Variants in SLC7A6 observed in about 807,000 individuals in gnomAD.
The protein encoded by SLC7A6 is solute carrier family 7 member 6.
In SLC7A6, 29 loss-of-function variants were observed where a neutral mutation model predicts 46.6. That is an observed-to-expected ratio of 0.62 (90% confidence interval 0.46 to 0.85). SLC7A6 has a LOEUF of 0.85. SLC7A6 is among the 40% of genes least tolerant of loss of function. The pLI is 0.00. For missense variants in SLC7A6, 527 were observed against 647.6 expected (o/e 0.81, Z 2.02); for synonymous variants, 276 against 257.3 (o/e 1.07, Z -0.70).
chr16:68,284,859 C>CATTTTTT (rs1555531478), intron 3 of SLC7A6, among the ~76,000 whole-genome samples: 2 of 95,606 alleles, frequency 2.1e-5, no homozygotes, highest in African/African-American at 4.6e-5. Context: ...ATTTTCTCGT[C>CATTTTTT]TTTTTTTTTT....
intron 3 of SLC7A6, among the ~76,000 whole-genome samples, chr16:68,281,671 C>T (rs925462129): frequency 6.6e-6 from 1 of 152,092 alleles, no homozygotes; most frequent in Non-Finnish European, 1.5e-5. Context: ...CTCCTCTTTG[C>T]CTAGGTGACC....
chr16:68,279,053 CTGGGCATGGTAGCTCA>C (rs1187825507), intron 3 of SLC7A6, among the ~76,000 whole-genome samples: 1 of 152,028 alleles, frequency 6.6e-6, no homozygotes, highest in African/African-American at 2.4e-5. Context: ...TTAATATTGG[CTGGGCATGGTAGCTCA>C]TGGCTTTTGT....
At chr16:68,286,198 T>C (rs2042929117) in intron 3 of SLC7A6, among the ~76,000 whole-genome samples, 1 of 151,350 alleles carries the variant, frequency 6.6e-6, no homozygotes, top group Non-Finnish European at 1.5e-5. Context: ...CCCAATCACC[T>C]GAGGGAGAGA....
intron 3 of SLC7A6, among the ~76,000 whole-genome samples, chr16:68,280,331 C>T (rs2042807119): frequency 6.6e-6 from 1 of 152,116 alleles, no homozygotes; most frequent in South Asian, 2.1e-4. Flanking sequence ...CACTTCCATC[C>T]TAGAAGGGAG....
intron 2 of SLC7A6, among the ~76,000 whole-genome samples, chr16:68,274,328 C>G (rs1247061562): frequency 6.6e-6 from 1 of 152,188 alleles, no homozygotes; most frequent in Non-Finnish European, 1.5e-5. Context: ...CTCTGGTCTT[C>G]TCTGCAGGGC....
At position 68,296,689 on chromosome 16, in the gene SLC7A6, C is replaced by T. The variant is rs371532031; in HGVS notation, c.1332C>T (p.Leu444=). ...ICSVFLVIVP[L]FTDTINSLIG... is the part of the protein sequence containing the mutation. The stretch of plus-strand genomic sequence containing the variant: ...CCGTGTTTCTGGTGATAGTGCCCCT[C>T]TTCACTGACACCATTAATTCCCTCA... The change falls in exon 10 of 11, where the codon CTC becomes CTT. Residue 444 remains leucine, a synonymous_variant. Transcript: ENST00000219343. The T allele has an allele frequency of 1.9e-6, 3 of 1,614,110 alleles. No individual in the cohort carries two copies. The African/African-American group carries it at 4.0e-5, about 22-fold the overall frequency.
intron 3 of SLC7A6, 165 bp from the exon 4 acceptor site, chr16:68,287,581 C>T (rs1484744952): frequency 1.4e-5 from 20 of 1,477,060 alleles, no homozygotes; most frequent in Middle Eastern, 1.9e-4. Context: ...TCAGCTGGGG[C>T]GGGTGCAGGG....
At chr16:68,295,029 T>C in intron 8 of SLC7A6, 1 of 398,700 alleles carries the variant, frequency 2.5e-6, no homozygotes, top group Non-Finnish European at 4.5e-6. Context: ...GGGATTCACT[T>C]AATTTTTTCT....
chr16:68,276,068 A>G (rs3785111), intron 3 of SLC7A6, among the ~76,000 whole-genome samples: 1 of 152,012 alleles, frequency 6.6e-6, no homozygotes, highest in South Asian at 2.1e-4. Context: ...GGCCCACAGG[A>G]CCCTTTCCTG....
At position 68,289,657 on chromosome 16, in the gene SLC7A6, T is replaced by A. The variant is rs377736927; in HGVS notation, c.650-739T>A. Among the ~76,000 whole-genome samples the A allele has an allele frequency of 4.0e-3, 610 of 152,204 alleles. 7 individuals are homozygous for A. The highest frequency in any genetic ancestry group is 0.014 in the African/African-American group (564 of 41,512). On this transcript the variant is annotated intron_variant, in intron 4 of 10. Coordinates refer to ENST00000219343, the MANE Select transcript of SLC7A6 (RefSeq NM_003983.6). ...TAAAGACCCCAGTATGTCCAGAGGG[T>A]CTCTGATCTGGGTAGCTGGGTGCTG...
chr16:68,286,446 A>G (rs2042936256), intron 3 of SLC7A6, among the ~76,000 whole-genome samples: 1 of 152,150 alleles, frequency 6.6e-6, no homozygotes. Context: ...CGGTACGAGT[A>G]AGAGAGAGAG....
intron 2 of SLC7A6, among the ~76,000 whole-genome samples, chr16:68,271,018 T>G (rs1263931113): frequency 6.6e-6 from 1 of 152,022 alleles, no homozygotes; most frequent in Non-Finnish European, 1.5e-5. Flanking sequence ...CCTGGCTAAT[T>G]TTTGTATTTT....
intron 3 of SLC7A6, chr16:68,287,490 G>C: frequency 1.4e-6 from 2 of 1,382,046 alleles, no homozygotes; most frequent in Non-Finnish European, 1.9e-6. Flanking sequence ...AATGGTGCTA[G>C]CCATCAGGAT....
At chr16:68,280,047 A>T (rs1445194805) in intron 3 of SLC7A6, among the ~76,000 whole-genome samples, 4 of 152,220 alleles carry the variant, frequency 2.6e-5, no homozygotes, top group Non-Finnish European at 5.9e-5. Flanking sequence ...CCTTCTTGGA[A>T]CTTAGGTTGC....
rs1316572152 is a variant in SLC7A6 at position 68,296,385 on chromosome 16, C to T, written c.1141C>T (p.Leu381Phe). 10 of 1,613,918 alleles carry T rather than the reference C, an allele frequency of 6.2e-6. No homozygotes were observed. The highest frequency in any genetic ancestry group is 8.5e-6 in the Non-Finnish European group (10 of 1,180,044). Residue 381 changes from leucine (L) to phenylalanine (F), a missense_variant, in exon 9 of 11, where the codon CTC (leucine) becomes TTC (phenylalanine). Transcript: ENST00000219343. ...LFNCTMALIY[L>F]IVEDVFQLIN... Reference sequence around the variant, plus strand: ...ACAGTGCACCATGGCACTCATCTACCTCATCGTGGAGGATGTTTTCCAGCT... The same window carrying T: ...ACAGTGCACCATGGCACTCATCTACTTCATCGTGGAGGATGTTTTCCAGCT...
chr16:68,278,262 C>T (rs1345985981), intron 3 of SLC7A6, among the ~76,000 whole-genome samples: 1 of 151,886 alleles, frequency 6.6e-6, no homozygotes, highest in Admixed American at 6.6e-5. Context: ...GCCATAAATA[C>T]CTTTTGAGGT....
In SLC7A6 at chr16:68,296,384, C is replaced by T. The variant is rs930337135; in HGVS notation, c.1140C>T (p.Tyr380=). 1.2e-6 allele frequency: 2 copies of T among 1,614,044 alleles called. No homozygotes were observed. The highest frequency in any genetic ancestry group is 1.7e-6 in the Non-Finnish European group (2 of 1,180,030). ...LLFNCTMALI[Y]LIVEDVFQLI... ...CACAGTGCACCATGGCACTCATCTA[C>T]CTCATCGTGGAGGATGTTTTCCAGC... is the stretch of plus-strand genomic sequence containing the variant. Residue 380 remains tyrosine, a synonymous_variant, in exon 9 of 11, where the codon TAC becomes TAT. Coordinates refer to ENST00000219343, the MANE Select transcript of SLC7A6 (RefSeq NM_003983.6).
At chr16:68,273,623 G>C (rs1050253071) in intron 2 of SLC7A6, among the ~76,000 whole-genome samples, 3 of 152,170 alleles carry the variant, frequency 2.0e-5, no homozygotes, top group African/African-American at 7.2e-5. Flanking sequence ...TTAGCCCTGG[G>C]TTGGGATGCC....
Position 68,286,404 on chromosome 16 carries a change from G to A in SLC7A6, c.524-1342G>A, listed in dbSNP as rs79714491. ...TTGCTGTTGGCTATGGCAGGAAGAG[G>A]AGGGGAGGACATTTCTTTTTATGTG... On this transcript the variant is annotated intron_variant, in intron 3 of 10. Coordinates refer to ENST00000219343, the MANE Select transcript of SLC7A6 (RefSeq NM_003983.6). 1.4e-3 allele frequency among the ~76,000 whole-genome samples: 211 copies of A among 152,262 alleles called. 1 individual carries two copies. The highest frequency in any genetic ancestry group is 3.1e-3 in the East Asian group (16 of 5,190).
Sources: allele counts gnomAD v4.1 joint callset (sites outside exome capture counted in the v4.1 genomes callset), GRCh38; gene constraint gnomAD v4.1.1; transcripts MANE v1.5; gene names NCBI Gene and HGNC (gene_info 2026-07-23, HGNC 2026-07-21).